CALD1: variants seen among roughly 807,000 people sequenced by gnomAD.
The protein encoded by CALD1 is caldesmon 1, also known as caldesmon.
A neutral mutation model predicts 99.9 loss-of-function variants in CALD1; 33 were observed. The ratio of observed to expected loss-of-function variants is 0.33; its 90% CI spans 0.25 to 0.44. The LOEUF (loss-of-function observed/expected upper bound fraction) is 0.44. CALD1 is among the 20% of genes least tolerant of loss of function. The pLI, the probability that CALD1 is intolerant of heterozygous loss-of-function variation, is 1.00. For missense variants in CALD1, 861 were observed against 962.1 expected (o/e 0.89, Z 1.39); for synonymous variants, 310 against 325.0 (o/e 0.95, Z 0.50).
chr7:134,847,851 C>T (rs3800729), intron 2 of CALD1, among the ~76,000 whole-genome samples: 26,559 of 152,038 alleles, frequency 0.17, 2,483 homozygotes, highest in South Asian at 0.28. Context: ...GGCTTTTTTT[C>T]CCCATAAGCG....
chr7:134,821,990 A>C (rs2132010949), intron 1 of CALD1: 1 of 152,274 alleles, frequency 6.6e-6, no homozygotes, highest in South Asian at 2.1e-4. Flanking sequence ...CAAAGGTTTA[A>C]CAATTAATTC....
the CALD1 span, among the ~76,000 whole-genome samples, chr7:134,713,936 T>C: frequency 6.6e-6 from 1 of 152,156 alleles, no homozygotes; most frequent in Non-Finnish European, 1.5e-5. Flanking sequence ...ATCCCCAATG[T>C]TGGAGGTGGG....
the CALD1 span, among the ~76,000 whole-genome samples, chr7:134,721,570 A>AC: frequency 6.6e-5 from 10 of 151,204 alleles, no homozygotes; most frequent in African/African-American, 2.4e-4. Context: ...AAAAAATACA[A>AC]CCCCATGGCT....
intron 3 of CALD1, among the ~76,000 whole-genome samples, chr7:134,927,678 C>T (rs1274806280): frequency 6.6e-6 from 1 of 150,826 alleles, no homozygotes; most frequent in Non-Finnish European, 1.5e-5. Context: ...TTGTGATGTG[C>T]CCAGCATGTG....
intron 9 of CALD1, 81 bp downstream of exon 9, chr7:134,950,595 G>T: frequency 9.0e-7 from 1 of 1,107,108 alleles, no homozygotes; most frequent in Non-Finnish European, 1.3e-6. Flanking sequence ...TGATTATACA[G>T]GGCCTTTGTT....
At chr7:134,831,470 C>T (rs1799218545) in intron 1 of CALD1, among the ~76,000 whole-genome samples, 1 of 152,012 alleles carries the variant, frequency 6.6e-6, no homozygotes, top group South Asian at 2.1e-4. Context: ...AGGTGCCCAC[C>T]ACAACGCCTG....
intron 1 of CALD1, among the ~76,000 whole-genome samples, chr7:134,773,505 C>G (rs111724010): frequency 0.011 from 1,623 of 152,152 alleles, 20 homozygotes; most frequent in Non-Finnish European, 0.017. Context: ...AACTCCTAGG[C>G]TCCTTCTTCT....
At chr7:134,732,384 T>C in the CALD1 span, among the ~76,000 whole-genome samples, 1 of 152,176 alleles carries the variant, frequency 6.6e-6, no homozygotes, top group African/African-American at 2.4e-5. Context: ...ACCAATATGA[T>C]AGTATTAAGA....
intron 3 of CALD1, among the ~76,000 whole-genome samples, chr7:134,915,265 T>C (rs1018959036): frequency 6.6e-6 from 1 of 152,228 alleles, no homozygotes; most frequent in African/African-American, 2.4e-5. Context: ...TGAACTGTCC[T>C]TGCCTCCAAG....
At chr7:134,760,314 G>C (rs1371984803) in intron 1 of CALD1, among the ~76,000 whole-genome samples, 1 of 152,202 alleles carries the variant, frequency 6.6e-6, no homozygotes, top group African/African-American at 2.4e-5. Flanking sequence ...TGGGGTTTGG[G>C]GATGGAGAGG....
At chr7:134,931,996 C>T (rs1307843572) in intron 4 of CALD1, among the ~76,000 whole-genome samples, 1 of 152,196 alleles carries the variant, frequency 6.6e-6, no homozygotes, top group Non-Finnish European at 1.5e-5. Context: ...GAACCAGCCA[C>T]CTGTCTTCTT....
At chr7:134,832,960 A>C (rs1355100347) in intron 1 of CALD1, among the ~76,000 whole-genome samples, 1 of 152,236 alleles carries the variant, frequency 6.6e-6, no homozygotes, top group Non-Finnish European at 1.5e-5. Flanking sequence ...CAGATATATA[A>C]GAATTATTGT....
the CALD1 span, among the ~76,000 whole-genome samples, chr7:134,722,630 C>G: frequency 2.0e-5 from 3 of 152,188 alleles, no homozygotes; most frequent in East Asian, 5.8e-4. Context: ...CCATATTGGT[C>G]AGGCTGGTCT....
chr7:134,753,032 A>C (rs554118998), intron 1 of CALD1, among the ~76,000 whole-genome samples: 2 of 101,978 alleles, frequency 2.0e-5, no homozygotes, highest in African/African-American at 9.3e-5. Flanking sequence ...ACAAAAAAAA[A>C]CAAAAAAAAA....
Position 134,942,613 on chromosome 7 carries a change from T to C in CALD1, c.1532+1376T>C, listed in dbSNP as rs111721569. Among the ~76,000 whole-genome samples, 1,351 of 152,300 alleles carry C rather than the reference T, an allele frequency of 8.9e-3. 20 individuals carry two copies. Among genetic ancestry groups the C allele is most frequent in the African/African-American group, 0.031 (1,275 of 41,558 alleles). On this transcript the variant is annotated intron_variant, in intron 7 of 14. Coordinates refer to ENST00000361675, the MANE Select transcript of CALD1 (RefSeq NM_033138.4). ...AAGCGAGTTGATTCAGGTTGGTAAG[T>C]TGAGTCTAAAACTTGCTGAAGTGTC...
intron 7 of CALD1, among the ~76,000 whole-genome samples, 153 bp downstream of exon 7, chr7:134,941,390 C>T (rs1424984045): frequency 6.6e-6 from 1 of 152,132 alleles, no homozygotes. Context: ...CTTAGAGATA[C>T]TCAGTCAGCA....
In CALD1 at chr7:134,947,625, G is replaced by A. The variant is rs1324614583; in HGVS notation, c.1650G>A (p.Glu550=). ...GTCGCGGGGAGACCGAGAGCGAAGA[G>A]TTCGAGAAGCTCAAACAGAAGCAGC... ...RRRRGETESE[E]FEKLKQKQQE... The change falls in exon 8 of 15, where the codon GAG becomes GAA. Residue 550 remains glutamate (E), a synonymous_variant. Coordinates refer to ENST00000361675, the MANE Select transcript of CALD1 (RefSeq NM_033138.4). The A allele has an allele frequency of 6.4e-7, 1 of 1,568,030 alleles. No individual in the cohort carries two copies. The highest frequency in any genetic ancestry group is 1.9e-5 in the Admixed American group (1 of 52,774).
chr7:134,903,525 G>C (rs992064841), intron 3 of CALD1, among the ~76,000 whole-genome samples: 1 of 152,148 alleles, frequency 6.6e-6, no homozygotes, highest in African/African-American at 2.4e-5. Flanking sequence ...CCGTGAGGAA[G>C]AATCTGTTCC....
chr7:134,737,088 C>T, the CALD1 span, among the ~76,000 whole-genome samples: 1 of 152,092 alleles, frequency 6.6e-6, no homozygotes. Context: ...AAATATATAT[C>T]TTCAAGCAAA....
Sources: allele counts gnomAD v4.1 joint callset (sites outside exome capture counted in the v4.1 genomes callset), GRCh38; gene constraint gnomAD v4.1.1; transcripts MANE v1.5; gene names NCBI Gene and HGNC (gene_info 2026-07-23, HGNC 2026-07-21).